RGS6: variants seen among roughly 807,000 people sequenced by gnomAD.
RGS6 encodes the protein regulator of G-protein signaling 6.
A neutral mutation model predicts 78.5 loss-of-function variants in RGS6; 30 were observed. The ratio of observed to expected loss-of-function variants is 0.38; its 90% CI spans 0.29 to 0.52. The LOEUF is 0.52. Among genes scored for constraint, RGS6 ranks in the 20% least tolerant of loss-of-function variants. The probability of loss-of-function intolerance (pLI) is 0.85; values close to 1 mark genes in which losing one functional copy is unlikely to be tolerated. For missense variants in RGS6, 495 were observed against 609.7 expected, an observed-to-expected ratio of 0.81 and a Z score of 1.98; for synonymous variants, 206 against 206.0, an observed-to-expected ratio of 1.00 and a Z score of 0.00.
At chr14:72,479,382 T>G (rs1172703612) in intron 12 of RGS6, among the ~76,000 whole-genome samples, 3 of 152,136 alleles carry the variant, frequency 2.0e-5, no homozygotes, top group African/African-American at 7.2e-5. Flanking sequence ...GCCAGATAAT[T>G]CCTTGTTGTG....
chr14:72,321,006 A>G (rs1170907803), intron 2 of RGS6, among the ~76,000 whole-genome samples: 2 of 150,864 alleles, frequency 1.3e-5, no homozygotes, highest in African/African-American at 2.4e-5. Flanking sequence ...TTTGAAATAT[A>G]TATGTAATAT....
At chr14:72,115,981 C>T (rs975664642) in intron 2 of RGS6, among the ~76,000 whole-genome samples, 5 of 152,156 alleles carry the variant, frequency 3.3e-5, no homozygotes, top group Admixed American at 3.3e-4. Context: ...GTTCTGTATT[C>T]CCTGTTAAGG....
the RGS6 span, among the ~76,000 whole-genome samples, chr14:71,924,646 A>G: frequency 6.6e-6 from 1 of 152,020 alleles, no homozygotes; most frequent in African/African-American, 2.4e-5. Flanking sequence ...ATCATGCAAT[A>G]TTTTCCTTTC....
intron 2 of RGS6, among the ~76,000 whole-genome samples, chr14:72,075,427 CTG>C (rs1223700380): frequency 6.6e-6 from 1 of 152,100 alleles, no homozygotes; most frequent in Admixed American, 6.6e-5. Flanking sequence ...CATGCCTGAA[CTG>C]TGACTAGACT....
At chr14:72,432,340 C>T (rs781101958) in intron 3 of RGS6, among the ~76,000 whole-genome samples, 1 of 152,160 alleles carries the variant, frequency 6.6e-6, no homozygotes, top group Non-Finnish European at 1.5e-5. Flanking sequence ...GCTAACAATT[C>T]TACATGATCC....
intron 17 of RGS6, among the ~76,000 whole-genome samples, chr14:72,548,039 T>C (rs920344899): frequency 3.3e-5 from 5 of 152,062 alleles, no homozygotes; most frequent in African/African-American, 1.2e-4. Context: ...TTTGCCCCTT[T>C]GTAGGTGAAG....
At chr14:71,887,689 C>A in the RGS6 span, among the ~76,000 whole-genome samples, 1 of 152,148 alleles carries the variant, frequency 6.6e-6, no homozygotes, top group South Asian at 2.1e-4. Flanking sequence ...TGCTCTCAAA[C>A]CCTGTTTTCT....
chr14:72,506,660 C>T (rs1362720449), intron 13 of RGS6, among the ~76,000 whole-genome samples: 3 of 152,064 alleles, frequency 2.0e-5, no homozygotes, highest in African/African-American at 2.4e-5. Context: ...TGTAGTAATA[C>T]AATTGTGAAT....
intron 2 of RGS6, among the ~76,000 whole-genome samples, chr14:72,112,379 C>T (rs2095788730): frequency 1.3e-5 from 2 of 152,160 alleles, no homozygotes; most frequent in South Asian, 4.1e-4. Flanking sequence ...CTGGCTTCTC[C>T]TCCAGGGATT....
chr14:72,124,756 G>A (rs1370588635), intron 2 of RGS6, among the ~76,000 whole-genome samples: 1 of 152,108 alleles, frequency 6.6e-6, no homozygotes. Context: ...TATAGAAAGA[G>A]CTCTCTTTCT....
chr14:72,217,178 C>T (rs1291832848), intron 2 of RGS6, among the ~76,000 whole-genome samples: 1 of 152,126 alleles, frequency 6.6e-6, no homozygotes, highest in Non-Finnish European at 1.5e-5. Context: ...CAGTGGATAG[C>T]ATTAGCCGTC....
intron 2 of RGS6, among the ~76,000 whole-genome samples, chr14:72,020,860 C>T (rs1412501649): frequency 2.0e-5 from 3 of 152,174 alleles, no homozygotes; most frequent in African/African-American, 7.2e-5. Context: ...ACATAGACTT[C>T]AGCAGGTGGT....
intron 12 of RGS6, among the ~76,000 whole-genome samples, chr14:72,481,756 T>TGA (rs2096383124): frequency 6.6e-6 from 1 of 151,958 alleles, no homozygotes; most frequent in Non-Finnish European, 1.5e-5. Flanking sequence ...CACACACACA[T>TGA]GAGTGTCTCA....
At chr14:72,035,122 G>T (rs956700414) in intron 2 of RGS6, among the ~76,000 whole-genome samples, 1 of 152,068 alleles carries the variant, frequency 6.6e-6, no homozygotes, top group Non-Finnish European at 1.5e-5. Flanking sequence ...ACTATTCAGG[G>T]TTTCAGGCAT....
At chr14:72,274,840 A>G (rs1426913002) in intron 2 of RGS6, among the ~76,000 whole-genome samples, 3 of 152,238 alleles carry the variant, frequency 2.0e-5, no homozygotes, top group Non-Finnish European at 4.4e-5. Flanking sequence ...CTGACCTCCA[A>G]AAGTATAAAA....
In RGS6 at chr14:72,540,025, T is replaced by G. The variant is rs769225853; in HGVS notation, c.1369-16T>G. 127 of 1,554,878 alleles carry G rather than the reference T, an allele frequency of 8.2e-5. No individual in the cohort carries two copies. Among genetic ancestry groups the G allele is most frequent in the Non-Finnish European group, 1.1e-4 (124 of 1,164,634 alleles). ...TTCTGTATTTTTCTCCCTACCCTTTTTTTTTTTTCCTAAAGCCAGAAAGTG... is the reference window on the plus strand; with the variant it reads ...TTCTGTATTTTTCTCCCTACCCTTTGTTTTTTTTCCTAAAGCCAGAAAGTG... On this transcript the variant is annotated splice_polypyrimidine_tract_variant and intron_variant, in intron 16 of 17. Coordinates refer to ENST00000553525, the MANE Select transcript of RGS6 (RefSeq NM_001204424.2).
At chr14:72,490,445 C>G (rs182406820) in intron 12 of RGS6, among the ~76,000 whole-genome samples, 3 of 152,198 alleles carry the variant, frequency 2.0e-5, no homozygotes, top group African/African-American at 4.8e-5. Flanking sequence ...ATTGGTGAAG[C>G]CTGGCCCCAG....
intron 2 of RGS6, among the ~76,000 whole-genome samples, chr14:72,124,230 C>T (rs1050447903): frequency 4.6e-5 from 7 of 152,044 alleles, no homozygotes; most frequent in African/African-American, 9.7e-5. Context: ...TGTGAGCTTT[C>T]GATATTAGTT....
At chr14:72,125,552 A>G (rs1450627393) in intron 2 of RGS6, among the ~76,000 whole-genome samples, 1 of 152,178 alleles carries the variant, frequency 6.6e-6, no homozygotes, top group Non-Finnish European at 1.5e-5. Context: ...CCAAGCAAGG[A>G]GACAGGAGAA....
Sources: allele counts gnomAD v4.1 joint callset (sites outside exome capture counted in the v4.1 genomes callset), GRCh38; gene constraint gnomAD v4.1.1; transcripts MANE v1.5; gene names NCBI Gene and HGNC (gene_info 2026-07-23, HGNC 2026-07-21).